Variants in JAKMIP3 observed in about 807,000 individuals in gnomAD.
The protein encoded by JAKMIP3 is janus kinase and microtubule-interacting protein 3.
A neutral mutation model predicts 118.5 loss-of-function variants in JAKMIP3; 58 were observed. The observed-to-expected ratio is 0.49, with a 90% confidence interval of 0.40 to 0.61. The LOEUF (loss-of-function observed/expected upper bound fraction) is 0.61, where lower values mean the gene tolerates loss of function less well. Among genes scored for constraint, JAKMIP3 ranks in the 20% least tolerant of loss-of-function variants. JAKMIP3 has a pLI of 0.00. For missense variants in JAKMIP3, 950 were observed against 1,109.0 expected (o/e 0.86, Z 2.04); for synonymous variants, 486 against 451.2 (o/e 1.08, Z -0.98).
intron 8 of JAKMIP3, 115 bp from the exon 9 acceptor site, chr10:132,138,004 G>A: frequency 2.0e-6 from 2 of 987,366 alleles, no homozygotes; most frequent in Non-Finnish European, 3.1e-6. Context: ...GGACAAGCCA[G>A]CCCAGACACC....
chr10:132,165,012 C>A (rs1325909165), intron 21 of JAKMIP3, among the ~76,000 whole-genome samples: 1 of 152,128 alleles, frequency 6.6e-6, no homozygotes, highest in Non-Finnish European at 1.5e-5. Flanking sequence ...CGCAGAGGAG[C>A]CACTCCTCTT....
chr10:132,145,265 C>A, intron 12 of JAKMIP3, 75 bp downstream of exon 12: 2 of 1,226,404 alleles, frequency 1.6e-6, no homozygotes, highest in Non-Finnish European at 2.3e-6. Flanking sequence ...TAAAGACAAG[C>A]TTCAGTGGTG....
intron 1 of JAKMIP3, among the ~76,000 whole-genome samples, chr10:132,047,569 C>T (rs1234297656): frequency 6.6e-6 from 1 of 152,238 alleles, no homozygotes; most frequent in South Asian, 2.1e-4. Flanking sequence ...ATCACCCAAG[C>T]CACACACCTG....
upstream of JAKMIP3, among the ~76,000 whole-genome samples, chr10:132,065,145 G>A (rs935034907): frequency 2.0e-5 from 3 of 152,124 alleles, no homozygotes; most frequent in African/African-American, 7.2e-5. The surrounding 1 kb of genome is among the most constrained non-coding windows in gnomAD (Gnocchi z 5.6). Flanking sequence ...AGCCCTCAAG[G>A]CTGCCTTGAT....
chr10:132,111,263 C>T (rs535696605), intron 2 of JAKMIP3, among the ~76,000 whole-genome samples: 57 of 152,250 alleles, frequency 3.7e-4, no homozygotes, highest in African/African-American at 1.3e-3. Flanking sequence ...ATGACGGGGA[C>T]AGGGGCCGAG....
At chr10:132,152,627 G>GAGC (rs986478401) in intron 16 of JAKMIP3, among the ~76,000 whole-genome samples, 2 of 152,224 alleles carry the variant, frequency 1.3e-5, no homozygotes, top group Non-Finnish European at 2.9e-5. Flanking sequence ...AGGCTGGGCA[G>GAGC]AGCAGCAGCC....
rs192359170 is a variant in JAKMIP3 at position 132,117,807 on chromosome 10, G to A, written c.633+233G>A. On this transcript the variant is annotated intron_variant, in intron 3 of 23. Coordinates refer to ENST00000684848, the MANE Select transcript of JAKMIP3 (RefSeq NM_001323087.2). The surrounding 1 kb of genome is among the most constrained non-coding windows in gnomAD (Gnocchi z 8.6). ...AAGGTTCAGACCCACAGTCAGGCCC[G>A]CACGGGGCAGGCCAGACTCTCACCT... 9.9e-5 allele frequency among the ~76,000 whole-genome samples: 15 copies of A among 152,246 alleles called. No homozygotes were observed. The highest frequency in any genetic ancestry group is 2.1e-4 in the South Asian group (1 of 4,824).
chr10:132,131,948 C>T (rs564974686), intron 3 of JAKMIP3, among the ~76,000 whole-genome samples: 15 of 152,284 alleles, frequency 9.9e-5, no homozygotes, highest in Non-Finnish European at 7.3e-5. Flanking sequence ...AACAGCCCAC[C>T]GTGAGCAAGG....
At chr10:132,155,092 T>C (rs914746521) in intron 19 of JAKMIP3, among the ~76,000 whole-genome samples, 4 of 30,872 alleles carry the variant, frequency 1.3e-4, no homozygotes, top group African/African-American at 2.4e-4. Flanking sequence ...CTGGAGGTAG[T>C]GATGATGATG....
At chr10:132,046,389 G>T (rs1440753535) in intron 1 of JAKMIP3, among the ~76,000 whole-genome samples, 1 of 152,014 alleles carries the variant, frequency 6.6e-6, no homozygotes, top group South Asian at 2.1e-4. Flanking sequence ...TTGGGAGGCG[G>T]AGCTTGCAGT....
rs201158135 is a variant in JAKMIP3 at position 132,137,093 on chromosome 10, C to T, written c.1191C>T (p.Val397=). Residue 397 remains valine, a synonymous_variant, in exon 7 of 24, where the codon GTC becomes GTT. Transcript: ENST00000684848. ...ATCAAAGTCAGGATGAGAGAGAAGTCGATTTCTTGAAGCTTCAGATTGTGG... is the reference window on the plus strand; with the variant it reads ...ATCAAAGTCAGGATGAGAGAGAAGTTGATTTCTTGAAGCTTCAGATTGTGG... ...DLDQSQDERE[V]DFLKLQIVEQ... The T allele has an allele frequency of 7.4e-6, 12 of 1,613,914 alleles. No individual in the cohort carries two copies. In the African/African-American group the frequency reaches 8.0e-5, roughly 11 times the overall value.
intron 1 of JAKMIP3, among the ~76,000 whole-genome samples, chr10:132,085,274 G>A (rs2149944): frequency 0.78 from 117,969 of 152,102 alleles, 47,030 homozygotes; most frequent in East Asian, 0.99. Context: ...CAGAGTATCT[G>A]GTTCTTCCTG....
At chr10:132,109,319 T>A (rs1466870067) in intron 2 of JAKMIP3, among the ~76,000 whole-genome samples, 2 of 152,082 alleles carry the variant, frequency 1.3e-5, no homozygotes, top group African/African-American at 4.8e-5. Flanking sequence ...AAAATTTTTT[T>A]AATTAAAAAC....
At position 132,118,246 on chromosome 10, in the gene JAKMIP3, A is replaced by G. The variant is rs78655100; in HGVS notation, c.633+672A>G. Among the ~76,000 whole-genome samples the G allele has an allele frequency of 0.022, 3,415 of 152,318 alleles. 145 individuals carry two copies. The highest frequency in any genetic ancestry group is 0.078 in the African/African-American group (3,245 of 41,568). On this transcript the variant is annotated intron_variant, in intron 3 of 23. Transcript: ENST00000684848. The surrounding 1 kb of genome is among the most constrained non-coding windows in gnomAD (Gnocchi z 4.8). ...AATAGCTCCAGAGACCTGGGCACCC[A>G]TGGCAGGCACCAGGAGAGTCGATGT...
intron 1 of JAKMIP3, among the ~76,000 whole-genome samples, chr10:132,103,645 G>A (rs1297243858): frequency 6.6e-6 from 1 of 152,074 alleles, no homozygotes. Context: ...GTTGAACCTG[G>A]AGGACTTGCT....
intron 9 of JAKMIP3, among the ~76,000 whole-genome samples, chr10:132,138,468 G>T (rs540650522): frequency 6.6e-6 from 1 of 151,982 alleles, no homozygotes. Context: ...CCGCGCCCGC[G>T]TGTGTGGAGA....
At chr10:132,110,579 A>G (rs1455517614) in intron 2 of JAKMIP3, among the ~76,000 whole-genome samples, 7 of 152,160 alleles carry the variant, frequency 4.6e-5, no homozygotes, top group Admixed American at 2.0e-4. Context: ...GCTTCATCAC[A>G]TTTTGCAGAC....
At chr10:132,160,091 T>C (rs188887566) in intron 19 of JAKMIP3, among the ~76,000 whole-genome samples, 23 of 5,390 alleles carry the variant, frequency 4.3e-3, no homozygotes, top group South Asian at 0.024. Context: ...GGGGGTCTCT[T>C]CCTGTGTGAT....
intron 1 of JAKMIP3, among the ~76,000 whole-genome samples, chr10:132,046,874 T>G (rs1295804917): frequency 1.3e-5 from 2 of 152,156 alleles, no homozygotes; most frequent in African/African-American, 4.8e-5. Flanking sequence ...ACACTGTGAT[T>G]AGCAGCAGTT....
Sources: allele counts gnomAD v4.1 joint callset (sites outside exome capture counted in the v4.1 genomes callset), GRCh38; gene constraint gnomAD v4.1.1; non-coding constraint Gnocchi (gnomAD v3.1); transcripts MANE v1.5; gene names NCBI Gene and HGNC (gene_info 2026-07-23, HGNC 2026-07-21).